Variants in TNFAIP1 observed in about 807,000 individuals in gnomAD.
The protein encoded by TNFAIP1 is TNF alpha induced protein 1.
Under a neutral mutation model 32.6 loss-of-function variants are expected in TNFAIP1, and 20 were observed. The ratio of observed to expected loss-of-function variants is 0.61; its 90% CI spans 0.43 to 0.89. The LOEUF is 0.89. Ranked by LOEUF, TNFAIP1 falls within the 40% of genes least tolerant of loss-of-function variation. The probability of loss-of-function intolerance (pLI) is 0.00; values close to 1 mark genes in which losing one functional copy is unlikely to be tolerated. For synonymous variants in TNFAIP1, 166 were observed against 166.8 expected, an observed-to-expected ratio of 1.00 and a Z score of 0.04; for missense variants, 319 against 425.1, an observed-to-expected ratio of 0.75 and a Z score of 2.20.
In TNFAIP1 at chr17:28,342,337, C is replaced by T. The variant is rs782708486; in HGVS notation, c.609C>T (p.Val203=). 6.2e-7 allele frequency: 1 copy of T among 1,607,690 alleles called. No homozygotes were observed. Among genetic ancestry groups the T allele is most frequent in the Non-Finnish European group, 8.5e-7 (1 of 1,174,532 alleles). The change falls in exon 6 of 7, where the codon GTC becomes GTT. Residue 203 remains valine (V), a synonymous_variant. Transcript: ENST00000226225. The surrounding 1 kb of genome is among the most constrained non-coding windows in gnomAD (Gnocchi z 4.0). ...GCCGCGTGCTCTTCATCAAGGATGT[C>T]ATTGGTGACGAGATCTGCTGCTGGT... The part of the protein sequence containing the change: ...FNGRVLFIKD[V]IGDEICCWSF...
At position 28,341,394 on chromosome 17, in the gene TNFAIP1, T is replaced by A. The variant is rs782669222; in HGVS notation, c.466-10T>A. On this transcript the variant is annotated splice_polypyrimidine_tract_variant and intron_variant, in intron 4 of 6. Coordinates refer to ENST00000226225, the MANE Select transcript of TNFAIP1 (RefSeq NM_021137.5). Reference sequence around the variant, plus strand: ...CCTGGCCTGGCCCCTCACTCTGAACTCCTTCACAGCCCGTGGTGAAGCTGC... The same window carrying A: ...CCTGGCCTGGCCCCTCACTCTGAACACCTTCACAGCCCGTGGTGAAGCTGC... The A allele has an allele frequency of 6.2e-7, 1 of 1,614,066 alleles. No individual in the cohort carries two copies. The highest frequency in any genetic ancestry group is 8.5e-7 in the Non-Finnish European group (1 of 1,180,036).
In TNFAIP1 at chr17:28,339,663, C is replaced by T. The variant is rs782534383; in HGVS notation, c.142C>T (p.Arg48Cys). ...CTACACCACTGTGCGGGCCCTGACC[C>T]GCCACGACACCATGCTCAAGGCCAT... is the stretch of plus-strand genomic sequence containing the variant. ...LYYTTVRALT[R>C]HDTMLKAMFS... The change falls in exon 2 of 7, where the codon CGC becomes TGC. Residue 48 changes from arginine to cysteine, a missense_variant. Coordinates refer to ENST00000226225, the MANE Select transcript of TNFAIP1 (RefSeq NM_021137.5). 4.3e-6 allele frequency: 7 copies of T among 1,614,074 alleles called. No homozygotes were observed. The highest frequency in any genetic ancestry group is 2.2e-5 in the South Asian group (2 of 91,082).
intron 1 of TNFAIP1, among the ~76,000 whole-genome samples, 154 bp from the exon 2 acceptor site, chr17:28,339,254 A>G (rs1479217937): frequency 1.3e-5 from 2 of 151,654 alleles, no homozygotes; most frequent in African/African-American, 2.4e-5. Context: ...AAAAAAAAAA[A>G]AAAAAGAAAG....
chr17:28,337,736 C>T (rs1907226225), intron 1 of TNFAIP1, among the ~76,000 whole-genome samples: 1 of 152,204 alleles, frequency 6.6e-6, no homozygotes, highest in South Asian at 2.1e-4. Flanking sequence ...CTCTTCAAAC[C>T]TCAGCTGAAA....
At chr17:28,339,331 C>G in intron 1 of TNFAIP1, 77 bp from the exon 2 acceptor site, 1 of 488,286 alleles carries the variant, frequency 2.0e-6, no homozygotes, top group Non-Finnish European at 3.5e-6. Context: ...AGAATGAGTA[C>G]GGTCGTGTTT....
At position 28,339,738 on chromosome 17, in the gene TNFAIP1, G is replaced by A. The variant is rs1555577883; in HGVS notation, c.205+12G>A. ...GACCGACAAAGAAGGTGAGGCACTGGGGCTGCCGCTCGGGGTGGGGAGGGC... is the reference window on the plus strand; with the variant it reads ...GACCGACAAAGAAGGTGAGGCACTGAGGCTGCCGCTCGGGGTGGGGAGGGC... On this transcript the variant is annotated intron_variant, in intron 2 of 6. Transcript: ENST00000226225. 1 of 1,612,004 alleles carries A rather than the reference G, an allele frequency of 6.2e-7. No homozygotes were observed. Among genetic ancestry groups the A allele is most frequent in the Non-Finnish European group, 8.5e-7 (1 of 1,179,064 alleles).
chr17:28,336,879 ATTT>A (rs1281806195), intron 1 of TNFAIP1, among the ~76,000 whole-genome samples: 1 of 152,200 alleles, frequency 6.6e-6, no homozygotes, highest in Admixed American at 6.5e-5. Flanking sequence ...TTCAGGGACA[ATTT>A]CAGTCTAACA....
At chr17:28,344,328 G>A (rs371616956) in intron 6 of TNFAIP1, 36 bp from the exon 7 acceptor site, 230 of 1,589,100 alleles carry the variant, frequency 1.4e-4, no homozygotes, top group Non-Finnish European at 1.9e-4. Flanking sequence ...TCTTGAAGAT[G>A]AAACCTTGCT....
rs1907311749 is a variant in TNFAIP1, at chr17:28,340,124, AG to A, written c.206-182del. Among the ~76,000 whole-genome samples the A allele has an allele frequency of 6.6e-6, 1 of 152,162 alleles. No homozygotes were observed. The highest frequency in any genetic ancestry group is 1.9e-4 in the East Asian group (1 of 5,148). ...TGCCAGTTCTGGGTTTCAGAGAGGA[AG>A]GGTGAAGAGCAGCCATGGGCCTGAG... On this transcript the variant is annotated intron_variant, in intron 2 of 6. Transcript: ENST00000226225. The surrounding 1 kb of genome is among the most constrained non-coding windows in gnomAD (Gnocchi z 4.1).
intron 3 of TNFAIP1, 123 bp from the exon 4 acceptor site, chr17:28,341,114 T>C (rs1444328476): frequency 1.0e-6 from 1 of 996,752 alleles, no homozygotes; most frequent in Non-Finnish European, 1.5e-6. Context: ...GGCCTCATGA[T>C]CTGTATCTGA....
chr17:28,337,532 C>T (rs1907221513), intron 1 of TNFAIP1, among the ~76,000 whole-genome samples: 1 of 152,110 alleles, frequency 6.6e-6, no homozygotes. Context: ...CCATATCTGG[C>T]TAATTTTTTT....
chr17:28,341,306 C>T lies in TNFAIP1; in HGVS notation c.445C>T (p.Leu149Phe). The T allele has an allele frequency of 6.2e-7, 1 of 1,614,212 alleles. No homozygotes were observed. The highest frequency in any genetic ancestry group is 8.5e-7 in the Non-Finnish European group (1 of 1,180,034). ...CACATCCCTAAAGGAGGAGGAGCGG[C>T]TCATCGAATCCTCCACCAAGGTACC... ...IITSLKEEER[L>F]IESSTKPVVK... is the part of the protein sequence containing the mutation. The change falls in exon 4 of 7, where the codon CTC becomes TTC. Residue 149 changes from leucine to phenylalanine, a missense_variant. Transcript: ENST00000226225.
At chr17:28,343,666 T>C (rs1450807096) in intron 6 of TNFAIP1, among the ~76,000 whole-genome samples, 5 of 151,902 alleles carry the variant, frequency 3.3e-5, no homozygotes, top group Non-Finnish European at 7.4e-5. Context: ...TTAAGTGTGT[T>C]GTCTTTCATG....
Position 28,341,470 on chromosome 17 carries a change from C to G in TNFAIP1, c.518+14C>G. On this transcript the variant is annotated intron_variant, in intron 5 of 6. Transcript: ENST00000226225. ...TTCCTACACCAGGTAGGGTGCGTCACAGGGCTCAACAGACACTGGGCAGCA... is the reference window on the plus strand; with the variant it reads ...TTCCTACACCAGGTAGGGTGCGTCAGAGGGCTCAACAGACACTGGGCAGCA... 6.2e-7 allele frequency: 1 copy of G among 1,614,022 alleles called. No homozygotes were observed. Among genetic ancestry groups the G allele is most frequent in the Non-Finnish European group, 8.5e-7 (1 of 1,179,984 alleles).
rs782706865 is a variant in TNFAIP1, at chr17:28,341,330, C to A, written c.465+4C>A. The stretch of plus-strand genomic sequence containing the variant: ...GCTCATCGAATCCTCCACCAAGGTA[C>A]CAGGACCTCTGAGGGGTGCGGGCCG... On this transcript the variant is annotated splice_donor_region_variant and intron_variant, in intron 4 of 6. Transcript: ENST00000226225. 6.2e-7 allele frequency: 1 copy of A among 1,614,110 alleles called. No homozygotes were observed. The highest frequency in any genetic ancestry group is 1.7e-5 in the Admixed American group (1 of 60,016).
chr17:28,343,718 G>A (rs1483180542), intron 6 of TNFAIP1, among the ~76,000 whole-genome samples: 3 of 151,864 alleles, frequency 2.0e-5, no homozygotes, highest in African/African-American at 7.3e-5. Context: ...AGACACGCAG[G>A]GCTAGAGCCA....
At position 28,340,242 on chromosome 17, in the gene TNFAIP1, G is replaced by A; in HGVS notation, c.206-67G>A. On this transcript the variant is annotated intron_variant, in intron 2 of 6. Coordinates refer to ENST00000226225, the MANE Select transcript of TNFAIP1 (RefSeq NM_021137.5). This position sits in a 1 kb window ranked among gnomAD's most constrained non-coding sequence, Gnocchi z 4.1. ...CTGCCACCTGCCGCCAGCTTGTCAG[G>A]TGGCCTTTGCCTGCCTCGGAGGTAC... The A allele has an allele frequency of 1.3e-6, 2 of 1,551,630 alleles. No individual in the cohort carries two copies. The highest frequency in any genetic ancestry group is 1.8e-6 in the Non-Finnish European group (2 of 1,133,042).
At chr17:28,338,485 C>T (rs1190619927) in intron 1 of TNFAIP1, among the ~76,000 whole-genome samples, 1 of 120,368 alleles carries the variant, frequency 8.3e-6, no homozygotes, top group East Asian at 3.2e-4. Context: ...AAGCCCCAGC[C>T]GAAGCCCAGG....
Position 28,341,338 on chromosome 17 carries a change from T to C in TNFAIP1, c.465+12T>C, listed in dbSNP as rs1597794443. 1 of 1,614,174 alleles carries C rather than the reference T, an allele frequency of 6.2e-7. No individual in the cohort carries two copies. Among genetic ancestry groups the C allele is most frequent in the Non-Finnish European group, 8.5e-7 (1 of 1,180,012 alleles). ...AATCCTCCACCAAGGTACCAGGACC[T>C]CTGAGGGGTGCGGGCCGGGGATGCC... On this transcript the variant is annotated intron_variant, in intron 4 of 6. Transcript: ENST00000226225.
Sources: gnomAD v4.1 joint callset for allele counts (sites outside exome capture counted in the v4.1 genomes callset) on GRCh38, gnomAD v4.1.1 for gene constraint, Gnocchi (gnomAD v3.1) non-coding constraint, MANE v1.5 for transcripts, NCBI Gene and HGNC (gene_info 2026-07-23, HGNC 2026-07-21) for gene names.